SLC30A3: variants seen among roughly 807,000 people sequenced by gnomAD.
The protein encoded by SLC30A3 is probable proton-coupled zinc antiporter SLC30A3.
In SLC30A3, 20 loss-of-function variants were observed where a neutral mutation model predicts 35.6. The observed-to-expected ratio is 0.56, with a 90% CI of 0.39 to 0.82. The LOEUF (loss-of-function observed/expected upper bound fraction) is 0.82, where lower values mean the gene tolerates loss of function less well. Among genes scored for constraint, SLC30A3 ranks in the 40% least tolerant of loss-of-function variants. SLC30A3 has a pLI of 0.00. For synonymous variants in SLC30A3, 217 were observed against 224.7 expected (o/e 0.97, Z 0.31); for missense variants, 401 against 530.6 (o/e 0.76, Z 2.40).
chr2:27,275,180 T>C (rs999051603), exon 1 of SLC30A3: 1 of 1,303,880 alleles, frequency 7.7e-7, no homozygotes, highest in African/African-American at 1.5e-5. Flanking sequence ...GCCATACCTC[T>C]CATCCGCCAC....
upstream of SLC30A3, chr2:27,275,494 TG>T (rs1677980398): frequency 3.0e-6 from 1 of 332,886 alleles, no homozygotes. Context: ...CCGGCCGGTG[TG>T]AAGTTTCACA....
rs191792277 is a variant in SLC30A3, at chr2:27,262,641, T to C, written c.95+171A>G. ...CCGGGAGGAGGCGTAGCCGGCTGTG[T>C]AGGGCTGGGCGCTCCGTGTGGCCAG... On this transcript the variant is annotated intron_variant, in intron 1 of 7. Transcript: ENST00000233535. This position sits in a 1 kb window ranked among gnomAD's most constrained non-coding sequence, Gnocchi z 7.5. 3.8e-3 allele frequency among the ~76,000 whole-genome samples: 583 copies of C among 152,060 alleles called. 4 individuals are homozygous for C. The highest frequency in any genetic ancestry group is 0.014 in the African/African-American group (563 of 41,496).
At position 27,262,600 on chromosome 2, in the gene SLC30A3, C is replaced by A. The variant is rs953325647; in HGVS notation, c.95+212G>T. On this transcript the variant is annotated intron_variant, in intron 1 of 7. Transcript: ENST00000233535. This position sits in a 1 kb window ranked among gnomAD's most constrained non-coding sequence, Gnocchi z 7.5. ...GAGGGGAGTGAGAGGCCGCTTCACC[C>A]GAGGAAGTCAGGCGGCCGGGAGGAG... is the stretch of plus-strand genomic sequence containing the variant. 2.6e-5 allele frequency among the ~76,000 whole-genome samples: 4 copies of A among 152,110 alleles called. No homozygotes were observed. Among genetic ancestry groups the A allele is most frequent in the African/African-American group, 7.2e-5 (3 of 41,440 alleles).
Position 27,262,779 on chromosome 2 carries a change from C to A in SLC30A3, c.95+33G>T. The A allele has an allele frequency of 6.7e-7, 1 of 1,500,026 alleles. No individual in the cohort carries two copies. Among genetic ancestry groups the A allele is most frequent in the East Asian group, 2.8e-5 (1 of 35,216 alleles). The allele number at this position is 1,500,026 out of a possible 1,614,324, so 92.9% of individuals were successfully genotyped here. A position where few individuals can be genotyped will look rare whatever the true frequency, so the allele number is the denominator to read the frequency against. Reference sequence around the variant, plus strand: ...GGACGGAGGGTAGTAGGGTGGCGCCCCCGGGCCGAGGGCCAGCCCAGGTCT... The same window carrying A: ...GGACGGAGGGTAGTAGGGTGGCGCCACCGGGCCGAGGGCCAGCCCAGGTCT... On this transcript the variant is annotated intron_variant, in intron 1 of 7. Transcript: ENST00000233535. The surrounding 1 kb of genome is among the most constrained non-coding windows in gnomAD (Gnocchi z 7.5).
At chr2:27,265,596 G>C (rs1207563493), upstream of SLC30A3, among the ~76,000 whole-genome samples, 1 of 152,132 alleles carries the variant, frequency 6.6e-6, no homozygotes, top group African/African-American at 2.4e-5. This position sits in a 1 kb window ranked among gnomAD's most constrained non-coding sequence, Gnocchi z 5.9. Flanking sequence ...GACAGAGGAG[G>C]CAACCTGGAG....
In SLC30A3 at chr2:27,258,349, T is replaced by C. The variant is rs749481050; in HGVS notation, c.278-42A>G. ...ATGGAGTCTGCTTCCATTTAGAAAA[T>C]ATCATGTAGTGTGTATAGGCATGGA... On this transcript the variant is annotated intron_variant, in intron 2 of 7. Coordinates refer to ENST00000233535, the MANE Select transcript of SLC30A3 (RefSeq NM_003459.5). This position sits in a 1 kb window ranked among gnomAD's most constrained non-coding sequence, Gnocchi z 4.0. 16 of 1,500,412 alleles carry C rather than the reference T, an allele frequency of 1.1e-5. No individual in the cohort carries two copies. Among genetic ancestry groups the C allele is most frequent in the East Asian group, 9.2e-5 (4 of 43,568 alleles). 92.9% of individuals were successfully genotyped at this position (1,500,412 alleles called of 1,614,324 possible).
chr2:27,264,979 G>A (rs1438563490), upstream of SLC30A3, among the ~76,000 whole-genome samples: 1 of 152,236 alleles, frequency 6.6e-6, no homozygotes. This position sits in a 1 kb window ranked among gnomAD's most constrained non-coding sequence, Gnocchi z 6.1. Flanking sequence ...GGGATGCGCA[G>A]CGGCCACCGC....
intron 1 of SLC30A3, among the ~76,000 whole-genome samples, chr2:27,268,738 A>G (rs1677604249): frequency 6.6e-6 from 1 of 151,956 alleles, no homozygotes; most frequent in South Asian, 2.1e-4. Flanking sequence ...AAAAAAAAAG[A>G]AAGGTTCACT....
At position 27,258,069 on chromosome 2, in the gene SLC30A3, G is replaced by A. The variant is rs183171684; in HGVS notation, c.425-11C>T. 3.2e-5 allele frequency: 51 copies of A among 1,613,528 alleles called. No individual in the cohort carries two copies. Among genetic ancestry groups the A allele is most frequent in the African/African-American group, 6.7e-5 (5 of 75,052 alleles). ...AAGCCCCCAGAGTCTCTGCGGGTGG[G>A]GGGGGAGACAAGCTGTCAGAGACCT... On this transcript the variant is annotated splice_polypyrimidine_tract_variant and intron_variant, in intron 3 of 7. Transcript: ENST00000233535. The surrounding 1 kb of genome is among the most constrained non-coding windows in gnomAD (Gnocchi z 4.0).
chr2:27,274,482 T>C (rs527638971), intron 1 of SLC30A3, among the ~76,000 whole-genome samples: 258 of 152,298 alleles, frequency 1.7e-3, no homozygotes, highest in African/African-American at 5.9e-3. Flanking sequence ...ACAGGAGCCA[T>C]TGAGTGCTCT....
rs1427949701 is a variant in SLC30A3 at position 27,262,324 on chromosome 2, G to T, written c.95+488C>A. On this transcript the variant is annotated intron_variant, in intron 1 of 7. Transcript: ENST00000233535. The surrounding 1 kb of genome is among the most constrained non-coding windows in gnomAD (Gnocchi z 7.5). ...CAGGGGCCCGCAAGACCCGCGCGGAGCCCGGCCCATCCTCGGGCCCCGGCG... is the reference window on the plus strand; with the variant it reads ...CAGGGGCCCGCAAGACCCGCGCGGATCCCGGCCCATCCTCGGGCCCCGGCG... Among the ~76,000 whole-genome samples the T allele has an allele frequency of 2.0e-5, 3 of 151,796 alleles. No homozygotes were observed. Among genetic ancestry groups the T allele is most frequent in the Non-Finnish European group, 2.9e-5 (2 of 67,914 alleles).
At position 27,274,874 on chromosome 2, in the gene SLC30A3, C is replaced by T. The variant is rs1489235103; in HGVS notation, c.-159+303G>A. ...TTATGGGACATGCTCATGATGGCATCATATTTAAGTGACGTTTTTGAAGCA... is the reference window on the plus strand; with the variant it reads ...TTATGGGACATGCTCATGATGGCATTATATTTAAGTGACGTTTTTGAAGCA... On this transcript the variant is annotated intron_variant, in intron 1 of 5. Transcript: ENST00000424577. Among the ~76,000 whole-genome samples the T allele has an allele frequency of 2.0e-5, 3 of 152,152 alleles. No homozygotes were observed. In the East Asian group the frequency reaches 5.8e-4, roughly 29 times the overall value.
At chr2:27,256,761 G>T in intron 6 of SLC30A3, 27 bp downstream of exon 6, 1 of 1,506,934 alleles carries the variant, frequency 6.6e-7, no homozygotes, top group Non-Finnish European at 9.1e-7. Flanking sequence ...GGGCCACAGG[G>T]ATGGGGAGCT....
rs755151142 is a variant in SLC30A3, at chr2:27,262,861, C to G, written c.46G>C (p.Val16Leu). 1 of 1,566,904 alleles carries G rather than the reference C, an allele frequency of 6.4e-7. No individual in the cohort carries two copies. Among genetic ancestry groups the G allele is most frequent in the Non-Finnish European group, 8.6e-7 (1 of 1,161,474 alleles). The change falls in exon 1 of 8, where the codon GTG (valine) becomes CTG (leucine). Residue 16 changes from valine to leucine, a missense_variant. Coordinates refer to ENST00000233535, the MANE Select transcript of SLC30A3 (RefSeq NM_003459.5). The surrounding 1 kb of genome is among the most constrained non-coding windows in gnomAD (Gnocchi z 7.5). ...AAGGLETTRL[V>L]SPRDRGGAGG... is the part of the protein sequence containing the mutation. ...GCGCCACCGCGGTCCCGGGGGCTCA[C>G]CAGGCGAGTGGTCTCCAAGCCCCCA...
chr2:27,256,585 C>T, intron 6 of SLC30A3, 65 bp from the exon 7 acceptor site: 1 of 1,598,830 alleles, frequency 6.3e-7, no homozygotes, highest in Non-Finnish European at 8.6e-7. Context: ...GCACCCCCAC[C>T]ACTGGATTCC....
Position 27,258,053 on chromosome 2 carries a change from G to A in SLC30A3, c.430C>T (p.Leu144=). ...MTFGWHRSET[L]GALASVVSLW... ...GAGACCACAGAGGCCAAAGCCCCCAGAGTCTCTGCGGGTGGGGGGGGAGAC... is the reference window on the plus strand; with the variant it reads ...GAGACCACAGAGGCCAAAGCCCCCAAAGTCTCTGCGGGTGGGGGGGGAGAC... The change falls in exon 4 of 8, where the codon CTG becomes TTG. Residue 144 remains leucine (L), a synonymous_variant. Transcript: ENST00000233535. This position sits in a 1 kb window ranked among gnomAD's most constrained non-coding sequence, Gnocchi z 4.0. 1 of 1,613,990 alleles carries A rather than the reference G, an allele frequency of 6.2e-7. No homozygotes were observed. Among genetic ancestry groups the A allele is most frequent in the Non-Finnish European group, 8.5e-7 (1 of 1,179,864 alleles).
chr2:27,275,040 G>C, intron 1 of SLC30A3: 2 of 426,870 alleles, frequency 4.7e-6, no homozygotes, highest in Non-Finnish European at 4.6e-6. Context: ...CAGGAACAGG[G>C]GCATATGAGT....
upstream of SLC30A3, among the ~76,000 whole-genome samples, chr2:27,264,370 G>C (rs918053737): frequency 6.6e-6 from 1 of 152,224 alleles, no homozygotes; most frequent in Admixed American, 6.5e-5. This position sits in a 1 kb window ranked among gnomAD's most constrained non-coding sequence, Gnocchi z 6.1. Context: ...ACAAAAACGG[G>C]AGCACGTGCC....
Position 27,258,670 on chromosome 2 carries a change from A to G in SLC30A3, c.277+83T>C. The G allele has an allele frequency of 2.0e-6, 3 of 1,481,740 alleles. No homozygotes were observed. Among genetic ancestry groups the G allele is most frequent in the Non-Finnish European group, 2.8e-6 (3 of 1,068,930 alleles). 91.8% of individuals were successfully genotyped at this position (1,481,740 alleles called of 1,614,324 possible). On this transcript the variant is annotated intron_variant, in intron 2 of 7. Transcript: ENST00000233535. The surrounding 1 kb of genome is among the most constrained non-coding windows in gnomAD (Gnocchi z 4.0). ...CATCCCCATCTCTGCATCTGCACCCAGGAACATTCCTGGGACTCTGGGTGG... is the reference window on the plus strand; with the variant it reads ...CATCCCCATCTCTGCATCTGCACCCGGGAACATTCCTGGGACTCTGGGTGG...
Sources: gnomAD v4.1 joint callset for allele counts (sites outside exome capture counted in the v4.1 genomes callset) on GRCh38, gnomAD v4.1.1 for gene constraint, Gnocchi (gnomAD v3.1) non-coding constraint, MANE v1.5 for transcripts, NCBI Gene and HGNC (gene_info 2026-07-23, HGNC 2026-07-21) for gene names.